Variants in GABRG2 observed in about 807,000 individuals in gnomAD.
GABRG2 encodes gamma-aminobutyric acid type A receptor subunit gamma2.
In GABRG2, 16 loss-of-function variants were observed where a neutral mutation model predicts 56.4. That is an observed-to-expected ratio of 0.28 (90% CI 0.19 to 0.43). The LOEUF is 0.43. Among genes scored for constraint, GABRG2 ranks in the 20% least tolerant of loss-of-function variants. GABRG2 has a pLI of 1.00. For synonymous variants in GABRG2, 208 were observed against 205.5 expected (o/e 1.01, Z -0.10); for missense variants, 327 against 582.7 (o/e 0.56, Z 4.52).
intron 6 of GABRG2, among the ~76,000 whole-genome samples, chr5:162,115,301 A>G (rs1448154264): frequency 6.6e-6 from 1 of 152,264 alleles, no homozygotes; most frequent in South Asian, 2.1e-4. Flanking sequence ...ACTGTGTCAT[A>G]TTTCCTGGTA....
intron 1 of GABRG2, among the ~76,000 whole-genome samples, chr5:162,084,432 T>A (rs550403721): frequency 6.6e-6 from 1 of 151,962 alleles, no homozygotes; most frequent in Non-Finnish European, 1.5e-5. Context: ...AAAGTAATTA[T>A]TTACTCTAAG....
In GABRG2 at chr5:162,137,349, T is replaced by C. The variant is rs374312365; in HGVS notation, c.770-4815T>C. Among the ~76,000 whole-genome samples, 214 of 152,346 alleles carry C rather than the reference T, an allele frequency of 1.4e-3. 2 individuals are homozygous for C. The highest frequency in any genetic ancestry group is 5.0e-3 in the African/African-American group (207 of 41,590). On this transcript the variant is annotated intron_variant, in intron 6 of 9. Coordinates refer to ENST00000639213, the MANE Select transcript of GABRG2 (RefSeq NM_198904.4). ...ATCTTCCTAAAAGTTCACATCATTG[T>C]GTATCCCCACCAACAGTGTGTACCT...
chr5:162,071,036 T>C (rs935722915), intron 1 of GABRG2, among the ~76,000 whole-genome samples: 4 of 151,706 alleles, frequency 2.6e-5, no homozygotes, highest in Non-Finnish European at 4.4e-5. Context: ...ATGTAAATCA[T>C]TGAGAATATT....
At chr5:162,137,342 A>G (rs1764210185) in intron 6 of GABRG2, among the ~76,000 whole-genome samples, 1 of 152,232 alleles carries the variant, frequency 6.6e-6, no homozygotes, top group Admixed American at 6.5e-5. Context: ...AAAAGTTCAC[A>G]TCATTGTGTA....
chr5:162,067,642 G>T (rs535933351), upstream of GABRG2: 2 of 542,778 alleles, frequency 3.7e-6, no homozygotes, highest in Non-Finnish European at 6.5e-6. Flanking sequence ...GGGAGAACGC[G>T]TAAGTGTGAG....
chr5:162,110,929 G>A (rs1762207558), intron 6 of GABRG2, among the ~76,000 whole-genome samples: 1 of 152,098 alleles, frequency 6.6e-6, no homozygotes, highest in Admixed American at 6.6e-5. Context: ...TATGTAAATA[G>A]AGCTGGGCCT....
intron 8 of GABRG2, 151 bp from the exon 9 acceptor site, chr5:162,151,579 C>A: frequency 1.5e-6 from 1 of 664,726 alleles, no homozygotes. Context: ...GCTCAGAACT[C>A]TCCTTCTGTG....
In GABRG2 at chr5:162,153,998, C is replaced by T. The variant is rs1226781707; in HGVS notation, c.*630C>T. ...TGGACTGAAGTTATCATCCTATTGTCTTTTATTTTGTGTCCTTGGGCTATA... is the reference window on the plus strand; with the variant it reads ...TGGACTGAAGTTATCATCCTATTGTTTTTTATTTTGTGTCCTTGGGCTATA... On this transcript the variant is annotated 3_prime_UTR_variant, in exon 10 of 10. Coordinates refer to ENST00000639213, the MANE Select transcript of GABRG2 (RefSeq NM_198904.4). 2.0e-5 allele frequency: 3 copies of T among 153,272 alleles called. No individual in the cohort carries two copies. Among genetic ancestry groups the T allele is most frequent in the African/African-American group, 4.8e-5 (2 of 41,412 alleles). The allele number at this position is 153,272 out of a possible 1,614,324, so 9.5% of individuals were successfully genotyped here. A position where few individuals can be genotyped will look rare whatever the true frequency, so the allele number is the denominator to read the frequency against.
intron 1 of GABRG2, among the ~76,000 whole-genome samples, chr5:162,079,091 A>T (rs1017362944): frequency 6.6e-6 from 1 of 151,950 alleles, no homozygotes; most frequent in African/African-American, 2.4e-5. Flanking sequence ...GTACTCACAT[A>T]CTCCTCAAAA....
intron 6 of GABRG2, among the ~76,000 whole-genome samples, chr5:162,126,661 T>C (rs930013207): frequency 6.6e-6 from 1 of 151,984 alleles, no homozygotes; most frequent in African/African-American, 2.4e-5. Context: ...CCCATCTTTC[T>C]CCACCTTCCC....
At chr5:162,074,059 A>G (rs954201020) in intron 1 of GABRG2, among the ~76,000 whole-genome samples, 1 of 151,928 alleles carries the variant, frequency 6.6e-6, no homozygotes, top group African/African-American at 2.4e-5. Context: ...TCTAACTTGC[A>G]TTACTGGGGA....
At chr5:162,085,793 T>C (rs538785584) in intron 1 of GABRG2, among the ~76,000 whole-genome samples, 11 of 152,028 alleles carry the variant, frequency 7.2e-5, no homozygotes, top group African/African-American at 2.6e-4. Flanking sequence ...TGTGTCCTCA[T>C]TGTTTAGCTC....
intron 3 of GABRG2, among the ~76,000 whole-genome samples, chr5:162,096,949 A>G (rs1417856703): frequency 2.0e-5 from 3 of 151,960 alleles, no homozygotes; most frequent in East Asian, 3.9e-4. Flanking sequence ...AGTGAAAAAA[A>G]CCCTCTTCTT....
intron 8 of GABRG2, 37 bp from the exon 9 acceptor site, chr5:162,151,693 A>T: frequency 6.4e-7 from 1 of 1,569,594 alleles, no homozygotes; most frequent in Non-Finnish European, 8.7e-7. Context: ...TTTATTAAAA[A>T]CAAATGCAAT....
At chr5:162,138,336 C>T (rs947176475) in intron 6 of GABRG2, among the ~76,000 whole-genome samples, 7 of 152,098 alleles carry the variant, frequency 4.6e-5, no homozygotes, top group African/African-American at 1.7e-4. Context: ...GTCCTGCAAG[C>T]CTTTGGTCAA....
chr5:162,139,460 G>T (rs1306901558), intron 6 of GABRG2, among the ~76,000 whole-genome samples: 1 of 152,150 alleles, frequency 6.6e-6, no homozygotes, highest in African/African-American at 2.4e-5. Flanking sequence ...TCTCAAATTT[G>T]AATCCATAAT....
At chr5:162,131,554 G>A (rs1435073489) in intron 6 of GABRG2, among the ~76,000 whole-genome samples, 1 of 151,260 alleles carries the variant, frequency 6.6e-6, no homozygotes, top group South Asian at 2.1e-4. Context: ...CTCAAACTTT[G>A]GTAGGAATAT....
intron 1 of GABRG2, among the ~76,000 whole-genome samples, chr5:162,089,247 C>T (rs1581331073): frequency 6.6e-6 from 1 of 152,012 alleles, no homozygotes; most frequent in African/African-American, 2.4e-5. Flanking sequence ...AATTAATTCT[C>T]GGGTAACATG....
chr5:162,077,063 A>T (rs1170808193), intron 1 of GABRG2, among the ~76,000 whole-genome samples: 7 of 134,684 alleles, frequency 5.2e-5, no homozygotes, highest in Non-Finnish European at 9.5e-5. Context: ...CAGTATTATA[A>T]CAACTACCCC....
Sources: allele counts gnomAD v4.1 joint callset (sites outside exome capture counted in the v4.1 genomes callset), GRCh38; gene constraint gnomAD v4.1.1; transcripts MANE v1.5; gene names NCBI Gene and HGNC (gene_info 2026-07-23, HGNC 2026-07-21).